Variants in COL4A4 observed in about 807,000 individuals in gnomAD.
COL4A4 encodes collagen type IV alpha 4 chain, also known as collagen alpha-4(IV) chain.
A neutral mutation model predicts 192.9 loss-of-function variants in COL4A4; 105 were observed. That is an observed-to-expected ratio of 0.54 (90% confidence interval 0.46 to 0.64). The LOEUF (loss-of-function observed/expected upper bound fraction) is 0.64. COL4A4 is among the 30% of genes least tolerant of loss of function. COL4A4 has a pLI of 0.00. For missense variants in COL4A4, 1,967 were observed against 2,169.3 expected, an observed-to-expected ratio of 0.91 and a Z score of 1.85; for synonymous variants, 762 against 769.9, an observed-to-expected ratio of 0.99 and a Z score of 0.17.
chr2:227,164,132 G>C lies in COL4A4; in HGVS notation c.-227C>G, dbSNP rs2065091747. On this transcript the variant is annotated 5_prime_UTR_variant, in exon 1 of 48. Coordinates refer to ENST00000396625, the MANE Select transcript of COL4A4 (RefSeq NM_000092.5). The surrounding 1 kb of genome is among the most constrained non-coding windows in gnomAD (Gnocchi z 4.8). ...GCTCTCGCAGCCAAGCCCGGCGGCC[G>C]CAAGTTGGAGGCGGGCTGGAGGCGG... is the stretch of plus-strand genomic sequence containing the variant. 6.6e-6 allele frequency: 1 copy of C among 152,410 alleles called. No individual in the cohort carries two copies. The highest frequency in any genetic ancestry group is 2.4e-5 in the African/African-American group (1 of 41,460). 9.4% of individuals were successfully genotyped at this position (152,410 alleles called of 1,614,324 possible).
At chr2:227,038,560 G>T (rs1446233020) in intron 37 of COL4A4, among the ~76,000 whole-genome samples, 1 of 151,946 alleles carries the variant, frequency 6.6e-6, no homozygotes, top group Non-Finnish European at 1.5e-5. Context: ...GCTCTTTTTT[G>T]GTTCCATTTG....
At chr2:227,010,717 C>T (rs1266908780) in intron 45 of COL4A4, among the ~76,000 whole-genome samples, 5 of 152,188 alleles carry the variant, frequency 3.3e-5, no homozygotes, top group African/African-American at 1.2e-4. Context: ...CTCCTAGATG[C>T]CTGGGCTACA....
the COL4A4 span, among the ~76,000 whole-genome samples, chr2:226,990,846 G>T: frequency 6.6e-6 from 1 of 152,128 alleles, no homozygotes; most frequent in African/African-American, 2.4e-5. Flanking sequence ...GACCTCCATT[G>T]ACAAAAACAC....
intron 25 of COL4A4, among the ~76,000 whole-genome samples, chr2:227,067,965 C>A (rs1285126223): frequency 7.1e-6 from 1 of 140,162 alleles, no homozygotes; most frequent in Admixed American, 7.3e-5. Context: ...ATTGATAGAC[C>A]GCTAGCAAGA....
At chr2:227,039,027 T>C (rs1263805063) in intron 37 of COL4A4, among the ~76,000 whole-genome samples, 1 of 152,234 alleles carries the variant, frequency 6.6e-6, no homozygotes, top group Non-Finnish European at 1.5e-5. Context: ...CTGTAGGTGG[T>C]ATGAACATGC....
chr2:226,986,485 C>A, the COL4A4 span, among the ~76,000 whole-genome samples: 1 of 151,690 alleles, frequency 6.6e-6, no homozygotes, highest in Non-Finnish European at 1.5e-5. Flanking sequence ...AAAAAATTTA[C>A]AAGAAAAAAA....
intron 35 of COL4A4, among the ~76,000 whole-genome samples, chr2:227,046,183 T>C (rs1380413221): frequency 2.0e-5 from 3 of 150,360 alleles, no homozygotes; most frequent in Non-Finnish European, 4.4e-5. Context: ...GCCACTGTAT[T>C]AACTTGTTTT....
Position 227,045,284 on chromosome 2 carries a change from C to T in COL4A4, c.3290-2100G>A, listed in dbSNP as rs74998292. On this transcript the variant is annotated intron_variant, in intron 35 of 47. Coordinates refer to ENST00000396625, the MANE Select transcript of COL4A4 (RefSeq NM_000092.5). ...GGCCAGTTTACAGGTGAGGCAACTA[C>T]GCTCAGAGAAGATACTCTCAGCTTA... Among the ~76,000 whole-genome samples the T allele has an allele frequency of 5.9e-3, 896 of 152,190 alleles. 10 individuals carry two copies. Among genetic ancestry groups the T allele is most frequent in the African/African-American group, 0.02 (844 of 41,524 alleles).
At chr2:227,043,636 TATTAA>T (rs1402608042) in intron 35 of COL4A4, among the ~76,000 whole-genome samples, 1 of 152,238 alleles carries the variant, frequency 6.6e-6, no homozygotes, top group East Asian at 1.9e-4. Context: ...TTGTTTCTCC[TATTAA>T]ATTGTTTCCT....
At chr2:227,068,346 G>A (rs2058482125) in intron 25 of COL4A4, among the ~76,000 whole-genome samples, 1 of 152,126 alleles carries the variant, frequency 6.6e-6, no homozygotes, top group Non-Finnish European at 1.5e-5. Context: ...GAAAAAGAGG[G>A]AATCCTCCCT....
chr2:226,994,938 T>C, the COL4A4 span, among the ~76,000 whole-genome samples: 1 of 152,174 alleles, frequency 6.6e-6, no homozygotes, highest in African/African-American at 2.4e-5. Flanking sequence ...CAGTGGTTGC[T>C]TGTGTGTTTC....
At chr2:227,052,746 A>T (rs368471279) in intron 31 of COL4A4, among the ~76,000 whole-genome samples, 38 of 152,290 alleles carry the variant, frequency 2.5e-4, no homozygotes, top group African/African-American at 8.2e-4. Context: ...TTGTTCTATA[A>T]AATTTGGATT....
intron 35 of COL4A4, among the ~76,000 whole-genome samples, chr2:227,045,905 A>ATATT (rs1408920698): frequency 1.1e-5 from 1 of 91,988 alleles, no homozygotes; most frequent in Non-Finnish European, 2.1e-5. Flanking sequence ...TAGATAGTAT[A>ATATT]TATATGTATG....
At position 227,062,040 on chromosome 2, in the gene COL4A4, C is replaced by A. The variant is rs533556433; in HGVS notation, c.2056+490G>T. On this transcript the variant is annotated intron_variant, in intron 26 of 47. Coordinates refer to ENST00000396625, the MANE Select transcript of COL4A4 (RefSeq NM_000092.5). ...GGATCACAAGGTCAGGAGTTCAAGA[C>A]CAGCCTAACCAATATGGTGAAACCC... Among the ~76,000 whole-genome samples the A allele has an allele frequency of 2.2e-3, 341 of 152,172 alleles. 2 individuals carry two copies. The highest frequency in any genetic ancestry group is 7.7e-3 in the African/African-American group (319 of 41,516).
chr2:227,035,801 G>A (rs932218615), intron 37 of COL4A4, among the ~76,000 whole-genome samples: 8 of 152,128 alleles, frequency 5.3e-5, no homozygotes, highest in African/African-American at 1.7e-4. Flanking sequence ...AAGATTGATG[G>A]CTTGGGGACT....
intron 28 of COL4A4, 50 bp downstream of exon 28, chr2:227,059,355 C>A (rs1338483052): frequency 1.3e-5 from 20 of 1,493,546 alleles, no homozygotes; most frequent in Non-Finnish European, 1.8e-5. Flanking sequence ...GTGACCTGTT[C>A]CAAAACTGAG....
chr2:227,131,278 C>T (rs2062447666), intron 4 of COL4A4, among the ~76,000 whole-genome samples: 1 of 152,012 alleles, frequency 6.6e-6, no homozygotes, highest in South Asian at 2.1e-4. Context: ...CCTCAGCCTC[C>T]CCAGTAGCTG....
intron 3 of COL4A4, among the ~76,000 whole-genome samples, chr2:227,141,830 C>G (rs1299708942): frequency 6.6e-6 from 1 of 151,800 alleles, no homozygotes; most frequent in African/African-American, 2.4e-5. Flanking sequence ...ATTAAATGCC[C>G]GGGCCCAGGT....
chr2:227,108,981 C>T (rs964811420), intron 10 of COL4A4, 113 bp from the exon 11 acceptor site: 8 of 1,111,320 alleles, frequency 7.2e-6, no homozygotes, highest in African/African-American at 1.5e-5. Flanking sequence ...AATTTTAAAA[C>T]ATGCAGTGAT....
Sources: gnomAD v4.1 joint callset for allele counts (sites outside exome capture counted in the v4.1 genomes callset) on GRCh38, gnomAD v4.1.1 for gene constraint, Gnocchi (gnomAD v3.1) non-coding constraint, MANE v1.5 for transcripts, NCBI Gene and HGNC (gene_info 2026-07-23, HGNC 2026-07-21) for gene names.